Variants in MARCHF7 observed in about 807,000 individuals in gnomAD.
MARCHF7 encodes the protein membrane associated ring-CH-type finger 7, also known as E3 ubiquitin-protein ligase MARCHF7.
In MARCHF7, 20 loss-of-function variants were observed where a neutral mutation model predicts 76.5. The ratio of observed to expected loss-of-function variants is 0.26; its 90% CI spans 0.18 to 0.38. The LOEUF (loss-of-function observed/expected upper bound fraction) is 0.38. Among genes scored for constraint, MARCHF7 ranks in the 10% least tolerant of loss-of-function variants. The pLI, the probability that MARCHF7 is intolerant of heterozygous loss-of-function variation, is 1.00. For synonymous variants in MARCHF7, 295 were observed against 293.0 expected (o/e 1.01, Z -0.07); for missense variants, 797 against 812.9 (o/e 0.98, Z 0.24).
chr2:159,745,728 T>G, intron 5 of MARCHF7, 42 bp from the exon 6 acceptor site: 1 of 1,437,362 alleles, frequency 7.0e-7, no homozygotes, highest in Non-Finnish European at 9.6e-7. Flanking sequence ...TCCAAAGCCT[T>G]GAAAGCTTTC....
rs1184322446 is a variant in MARCHF7 at position 159,767,563 on chromosome 2, A to G, written c.*221A>G. 7.6e-6 allele frequency: 3 copies of G among 392,598 alleles called. No individual in the cohort carries two copies. The highest frequency in any genetic ancestry group is 4.3e-5 in the East Asian group (1 of 23,208). 24.3% of individuals were successfully genotyped at this position (392,598 alleles called of 1,614,324 possible). ...TTAACATAGCAAATCCGATGTTTAT[A>G]AACTGGTAATCAAAAAGGTTTTTTC... On this transcript the variant is annotated 3_prime_UTR_variant, in exon 12 of 12. Transcript: ENST00000409175.
Position 159,760,505 on chromosome 2 carries a change from T to G in MARCHF7, c.1893+1170T>G, listed in dbSNP as rs148685242. Among the ~76,000 whole-genome samples the G allele has an allele frequency of 2.9e-3, 437 of 152,354 alleles. No homozygotes were observed. The Middle Eastern group carries it at 0.044, about 15-fold the overall frequency. ...AAATCACTTTCAGCAATGAAATGTTTTAAATCCCCAGGGAGTTCTCTGTAG... is the reference window on the plus strand; with the variant it reads ...AAATCACTTTCAGCAATGAAATGTTGTAAATCCCCAGGGAGTTCTCTGTAG... On this transcript the variant is annotated intron_variant, in intron 9 of 11. Coordinates refer to ENST00000409175, the MANE Select transcript of MARCHF7 (RefSeq NM_001282805.2).
intron 7 of MARCHF7, among the ~76,000 whole-genome samples, chr2:159,749,774 G>T (rs1293751923): frequency 1.3e-5 from 2 of 152,066 alleles, no homozygotes; most frequent in Admixed American, 6.6e-5. Flanking sequence ...GAAAGTAAAG[G>T]TTATTTTAAC....
At chr2:159,717,518 A>G (rs966824402) in intron 3 of MARCHF7, among the ~76,000 whole-genome samples, 6 of 132,092 alleles carry the variant, frequency 4.5e-5, no homozygotes, top group Non-Finnish European at 8.5e-5. Context: ...TCATGATAAA[A>G]ACTTTAAGTC....
In MARCHF7 at chr2:159,769,583, T is replaced by C. The variant is rs1046973978; in HGVS notation, c.*2241T>C. 5.3e-5 allele frequency: 8 copies of C among 151,992 alleles called. No individual in the cohort carries two copies. The East Asian group carries it at 1.4e-3, about 26-fold the overall frequency. The allele number at this position is 151,992 out of a possible 1,614,324, so 9.4% of individuals were successfully genotyped here. ...TGCTTGAAAACCTGCAAGGCGGAGA[T>C]TGGAGAGAGCCAAGATCGAGCCACT... On this transcript the variant is annotated 3_prime_UTR_variant, in exon 12 of 12. Coordinates refer to ENST00000409175, the MANE Select transcript of MARCHF7 (RefSeq NM_001282805.2).
Position 159,747,929 on chromosome 2 carries a change from A to G in MARCHF7, c.639A>G (p.Leu213=). 6.2e-7 allele frequency: 1 copy of G among 1,614,114 alleles called. No homozygotes were observed. The highest frequency in any genetic ancestry group is 1.1e-5 in the South Asian group (1 of 91,080). The change falls in exon 7 of 12, where the codon CTA becomes CTG. Residue 213 remains leucine, a synonymous_variant. Coordinates refer to ENST00000409175, the MANE Select transcript of MARCHF7 (RefSeq NM_001282805.2). Reference sequence around the variant, plus strand: ...TGCCTTCTGAACATCAGACCATACTAAGTTCTAGGGACTCCAGAAATTCTT... The same window carrying G: ...TGCCTTCTGAACATCAGACCATACTGAGTTCTAGGGACTCCAGAAATTCTT... The part of the protein sequence containing the change: ...HQLPSEHQTI[L]SSRDSRNSLR...
In MARCHF7 at chr2:159,768,490, CAA is replaced by C. The variant is rs752678348; in HGVS notation, c.*1151_*1152del. ...CCTAAATAGGAACCATGTAATTTCTCAAAAGTGATTGAACAGTTTGCCCACAC... is the reference window on the plus strand; with the variant it reads ...CCTAAATAGGAACCATGTAATTTCTCAAGTGATTGAACAGTTTGCCCACAC... On this transcript the variant is annotated 3_prime_UTR_variant, in exon 12 of 12. Coordinates refer to ENST00000409175, the MANE Select transcript of MARCHF7 (RefSeq NM_001282805.2). The C allele has an allele frequency of 3.9e-5, 6 of 152,554 alleles. No homozygotes were observed. Among genetic ancestry groups the C allele is most frequent in the Non-Finnish European group, 7.4e-5 (5 of 67,992 alleles). The allele number at this position is 152,554 out of a possible 1,614,324, so 9.5% of individuals were successfully genotyped here.
At chr2:159,728,555 GACCAA>G (rs1485180651) in intron 3 of MARCHF7, among the ~76,000 whole-genome samples, 2 of 152,170 alleles carry the variant, frequency 1.3e-5, no homozygotes, top group East Asian at 3.8e-4. Context: ...TTAAACAGAT[GACCAA>G]GAATTGGGTG....
intron 9 of MARCHF7, among the ~76,000 whole-genome samples, chr2:159,760,780 CA>C (rs1706957450): frequency 6.7e-6 from 1 of 148,728 alleles, no homozygotes; most frequent in South Asian, 2.1e-4. Context: ...TTTTTGATCT[CA>C]GGAATGTTTT....
chr2:159,756,714 A>G (rs12618845), intron 8 of MARCHF7, among the ~76,000 whole-genome samples: 3 of 117,428 alleles, frequency 2.6e-5, no homozygotes, highest in Non-Finnish European at 5.1e-5. Context: ...AAAAAAAAAA[A>G]CAGATGATTC....
At chr2:159,744,022 C>G (rs547422429) in intron 5 of MARCHF7, among the ~76,000 whole-genome samples, 20 of 104,162 alleles carry the variant, frequency 1.9e-4, no homozygotes, top group Non-Finnish European at 3.5e-4. Flanking sequence ...GAGTCTCGCT[C>G]TGTCGCCCAG....
chr2:159,745,358 TGATA>T (rs1415536278), intron 5 of MARCHF7, among the ~76,000 whole-genome samples: 3 of 152,090 alleles, frequency 2.0e-5, no homozygotes, highest in Non-Finnish European at 4.4e-5. Context: ...GGGATTCTCA[TGATA>T]AACAACAGTA....
At position 159,748,115 on chromosome 2, in the gene MARCHF7, T is replaced by C. The variant is rs1705123450; in HGVS notation, c.825T>C (p.Gly275=). ...TTCAAGAATCTTCTGACAATGAAGG[T>C]AGGCGGACAACGAGGAGATTGCTGT... ...RPFQESSDNE[G]RRTTRRLLSR... The change falls in exon 7 of 12, where the codon GGT becomes GGC. Residue 275 remains glycine, a synonymous_variant. Transcript: ENST00000409175. The C allele has an allele frequency of 3.7e-6, 6 of 1,613,976 alleles. No individual in the cohort carries two copies. The highest frequency in any genetic ancestry group is 5.1e-6 in the Non-Finnish European group (6 of 1,179,946).
At chr2:159,720,393 C>T (rs12469374) in intron 3 of MARCHF7, among the ~76,000 whole-genome samples, 48,327 of 152,104 alleles carry the variant, frequency 0.32, 9,644 homozygotes, top group Admixed American at 0.48. Context: ...GTCTCATCCT[C>T]ATGGTGGTAT....
chr2:159,717,862 T>C (rs1701211367), intron 3 of MARCHF7, among the ~76,000 whole-genome samples: 1 of 152,364 alleles, frequency 6.6e-6, no homozygotes, highest in Non-Finnish European at 1.5e-5. Flanking sequence ...TTAATGCATA[T>C]ACTTAATATA....
At chr2:159,718,021 C>A (rs1213196976) in intron 3 of MARCHF7, among the ~76,000 whole-genome samples, 2 of 152,174 alleles carry the variant, frequency 1.3e-5, no homozygotes, top group East Asian at 1.9e-4. Flanking sequence ...TATATGAAAA[C>A]CTTCATGCTG....
chr2:159,770,940 C>T lies in MARCHF7; in HGVS notation c.*3598C>T, dbSNP rs1002409510. On this transcript the variant is annotated 3_prime_UTR_variant, in exon 12 of 12. Coordinates refer to ENST00000409175, the MANE Select transcript of MARCHF7 (RefSeq NM_001282805.2). ...TGATGGTGAGGAAAATTACTCGTTTCAGCTTTTTCATTTTTTTACTCCCCA... is the reference window on the plus strand; with the variant it reads ...TGATGGTGAGGAAAATTACTCGTTTTAGCTTTTTCATTTTTTTACTCCCCA... The T allele has an allele frequency of 6.6e-6, 1 of 152,108 alleles. No homozygotes were observed. Among genetic ancestry groups the T allele is most frequent in the African/African-American group, 2.4e-5 (1 of 41,432 alleles). 9.4% of individuals were successfully genotyped at this position (152,108 alleles called of 1,614,324 possible). A position where few individuals can be genotyped will look rare whatever the true frequency, so the allele number is the denominator to read the frequency against.
chr2:159,721,345 A>T (rs1432762640), intron 3 of MARCHF7, among the ~76,000 whole-genome samples: 1 of 152,222 alleles, frequency 6.6e-6, no homozygotes, highest in Non-Finnish European at 1.5e-5. Context: ...TAGCTAAAGC[A>T]AGCCCACAGG....
At chr2:159,745,397 G>A (rs6432558) in intron 5 of MARCHF7, among the ~76,000 whole-genome samples, 52,420 of 152,068 alleles carry the variant, frequency 0.34, 9,240 homozygotes, top group South Asian at 0.44. Context: ...GGCTCGTGCT[G>A]TGATCCCAGC....
Sources: gnomAD v4.1 joint callset for allele counts (sites outside exome capture counted in the v4.1 genomes callset) on GRCh38, gnomAD v4.1.1 for gene constraint, MANE v1.5 for transcripts, NCBI Gene and HGNC (gene_info 2026-07-23, HGNC 2026-07-21) for gene names.